The following MYCBP2 variants were observed in gnomAD, a reference collection of about 807,000 sequenced individuals.
MYCBP2 encodes the protein E3 ubiquitin-protein ligase MYCBP2.
MYCBP2 carries 120 observed loss-of-function variants against 525.3 expected under a neutral mutation model. That is an observed-to-expected ratio of 0.23 (90% confidence interval 0.20 to 0.27). MYCBP2 has a LOEUF of 0.27. MYCBP2 is among the 10% of genes least tolerant of loss of function. The pLI, the probability that MYCBP2 is intolerant of heterozygous loss-of-function variation, is 1.00. For synonymous variants in MYCBP2, 1,894 were observed against 1,955.8 expected, an observed-to-expected ratio of 0.97 and a Z score of 0.83; for missense variants, 4,149 against 5,657.1, an observed-to-expected ratio of 0.73 and a Z score of 8.55.
chr13:77,233,460 A>G (rs941298464), intron 17 of MYCBP2, among the ~76,000 whole-genome samples, 197 bp from the exon 18 acceptor site: 1 of 148,620 alleles, frequency 6.7e-6, no homozygotes, highest in East Asian at 2.0e-4. Flanking sequence ...AAAAGTTAAT[A>G]TCTTAAATAT....
At chr13:77,216,223 A>G (rs2064807666) in intron 21 of MYCBP2, among the ~76,000 whole-genome samples, 1 of 152,218 alleles carries the variant, frequency 6.6e-6, no homozygotes, top group African/African-American at 2.4e-5. Context: ...GATAATGAAG[A>G]AAATACAAAT....
intron 3 of MYCBP2, among the ~76,000 whole-genome samples, chr13:77,286,786 AAAAATATATATATATATATATAT>A (rs2076852388): frequency 1.1e-5 from 1 of 91,540 alleles, no homozygotes; most frequent in Admixed American, 1.2e-4. Flanking sequence ...AAAAAAAAAA[AAAAATATATATATATATATATAT>A]ATATATATAG....
intron 17 of MYCBP2, among the ~76,000 whole-genome samples, chr13:77,239,288 T>A (rs1795190913): frequency 6.6e-6 from 1 of 152,216 alleles, no homozygotes; most frequent in Non-Finnish European, 1.5e-5. Flanking sequence ...AGTATAATTA[T>A]TAACATACTA....
At chr13:77,313,667 G>A (rs990866882) in intron 1 of MYCBP2, among the ~76,000 whole-genome samples, 20 of 151,980 alleles carry the variant, frequency 1.3e-4, no homozygotes, top group African/African-American at 3.9e-4. Context: ...CCAAGAGAAC[G>A]AGAAGACAAG....
chr13:77,284,342 G>C (rs2076515440), intron 3 of MYCBP2, among the ~76,000 whole-genome samples: 1 of 152,100 alleles, frequency 6.6e-6, no homozygotes, highest in Non-Finnish European at 1.5e-5. Context: ...GAGCAAACTA[G>C]GATAATAGCA....
In MYCBP2 at chr13:77,166,410, G is replaced by C; in HGVS notation, c.6259C>G (p.His2087Asp). Residue 2087 changes from histidine to aspartate, a missense_variant, in exon 41 of 83, where the codon CAT becomes GAT. His to Asp is a moderately conservative substitution (Grantham distance 81). Around this residue, in one of 21 missense-constraint regions of MYCBP2, gnomAD observed 692 missense variants for 852.7 expected, o/e 0.81. Transcript: ENST00000544440. Reference protein sequence around the residue: ...SGYGPKLTSVHENLNSWIELK... With the variant: ...SGYGPKLTSVDENLNSWIELK... ...TCTATCCATGAATTAAGATTTTCAT[G>C]AACAGATGTCAATTTTGGTCCATAT... The C allele has an allele frequency of 6.2e-7, 1 of 1,613,904 alleles. No homozygotes were observed.
chr13:77,138,824 G>C (rs1305002645), intron 52 of MYCBP2, among the ~76,000 whole-genome samples: 2 of 152,120 alleles, frequency 1.3e-5, no homozygotes, highest in African/African-American at 2.4e-5. Flanking sequence ...ACATGTTTTT[G>C]AATGTATAAT....
chr13:77,243,012 T>C (rs774629526), intron 17 of MYCBP2, 47 bp downstream of exon 17: 3 of 1,510,304 alleles, frequency 2.0e-6, no homozygotes, highest in Admixed American at 3.3e-5. Flanking sequence ...CAGGATAGGG[T>C]AGGAAAGTGG....
chr13:77,193,589 C>T (rs542109291), intron 27 of MYCBP2, among the ~76,000 whole-genome samples: 18 of 152,196 alleles, frequency 1.2e-4, no homozygotes, highest in African/African-American at 3.9e-4. Flanking sequence ...CTTAGGATTA[C>T]GTAGAGAGGA....
intron 21 of MYCBP2, among the ~76,000 whole-genome samples, chr13:77,213,956 C>T (rs1262630893): frequency 1.3e-5 from 2 of 152,160 alleles, no homozygotes; most frequent in African/African-American, 4.8e-5. Context: ...GTGCAAAGCA[C>T]GAACAGGGAA....
intron 68 of MYCBP2, among the ~76,000 whole-genome samples, chr13:77,072,067 T>C (rs1471380186): frequency 1.3e-5 from 2 of 151,906 alleles, no homozygotes; most frequent in African/African-American, 4.8e-5. Context: ...GGTGGGTGGA[T>C]CACGAGGTCA....
At chr13:77,134,954 T>C (rs989484997) in intron 52 of MYCBP2, among the ~76,000 whole-genome samples, 1 of 152,208 alleles carries the variant, frequency 6.6e-6, no homozygotes, top group Non-Finnish European at 1.5e-5. Context: ...TTAAGGATTA[T>C]CTAAAATGGG....
Position 77,165,317 on chromosome 13 carries a change from T to G in MYCBP2, c.6415A>C (p.Lys2139Gln), listed in dbSNP as rs1475631864. 1 of 1,612,782 alleles carries G rather than the reference T, an allele frequency of 6.2e-7. No individual in the cohort carries two copies. The highest frequency in any genetic ancestry group is 1.7e-5 in the Admixed American group (1 of 59,830). Residue 2139 changes from lysine to glutamine, a missense_variant, in exon 42 of 83, where the codon AAG becomes CAG. Physicochemically the swap from Lys to Gln is moderately conservative, Grantham distance 53. This residue lies in a region of MYCBP2 where 692 missense variants were observed against 852.7 expected (regional missense o/e 0.81). Coordinates refer to ENST00000544440, the MANE Select transcript of MYCBP2 (RefSeq NM_015057.5). Reference protein sequence around the residue: ...KDDKASFYGFKCFAIGYEFSP... With the variant: ...KDDKASFYGFQCFAIGYEFSP... ...AATTCATATCCAATTGCAAAACACTTAAAACCATAGAAAGAAGCTTTGTCA... is the reference window on the plus strand; with the variant it reads ...AATTCATATCCAATTGCAAAACACTGAAAACCATAGAAAGAAGCTTTGTCA...
rs1485165962 is a variant in MYCBP2, at chr13:77,062,613, C to T, written c.12757G>A (p.Gly4253Arg). Residue 4253 changes from glycine to arginine, a missense_variant, in exon 74 of 83, where the codon GGA (glycine) becomes AGA (arginine). Physicochemically the swap from Gly to Arg is moderately radical, Grantham distance 125. Around this residue, in one of 21 missense-constraint regions of MYCBP2, gnomAD observed 220 missense variants for 396.0 expected, o/e 0.56. Transcript: ENST00000544440. ...LSSGRWMGKD[G>R]QQKQMPMCDN... ...GATCTTACCATTTGTTTTTGTTGTCCATCCTTTCCCATCCATCTCCCCGAG... is the reference window on the plus strand; with the variant it reads ...GATCTTACCATTTGTTTTTGTTGTCTATCCTTTCCCATCCATCTCCCCGAG... 6.2e-7 allele frequency: 1 copy of T among 1,613,794 alleles called. No individual in the cohort carries two copies. The highest frequency in any genetic ancestry group is 1.3e-5 in the African/African-American group (1 of 74,876).
At chr13:77,144,377 G>T in intron 49 of MYCBP2, 68 bp downstream of exon 49, 1 of 1,124,590 alleles carries the variant, frequency 8.9e-7, no homozygotes, top group Non-Finnish European at 1.3e-6. Context: ...GGCAAAACTA[G>T]AAGATAAAAA....
At chr13:77,102,562 C>A (rs1183901364) in intron 55 of MYCBP2, among the ~76,000 whole-genome samples, 1 of 151,170 alleles carries the variant, frequency 6.6e-6, no homozygotes, top group African/African-American at 2.4e-5. Flanking sequence ...TTTCAAAAAA[C>A]CAAAAACATA....
At chr13:77,266,678 AT>A (rs2074129089) in intron 8 of MYCBP2, among the ~76,000 whole-genome samples, 1 of 141,650 alleles carries the variant, frequency 7.1e-6, no homozygotes, top group African/African-American at 2.7e-5. Flanking sequence ...TATTAAAAGT[AT>A]TTTTTAATAT....
rs1566781247 is a variant in MYCBP2, at chr13:77,167,018, CACACA to C, written c.6115-469_6115-465del. On this transcript the variant is annotated intron_variant, in intron 40 of 82. Coordinates refer to ENST00000544440, the MANE Select transcript of MYCBP2 (RefSeq NM_015057.5). ...ACACACACACACACACACACACACA[CACACA>C]CACCAAATGAAATAATTTAATGATT... is the stretch of plus-strand genomic sequence containing the variant. Among the ~76,000 whole-genome samples the C allele has an allele frequency of 4.1e-3, 557 of 135,794 alleles. 5 individuals are homozygous for C. The highest frequency in any genetic ancestry group is 0.02 in the East Asian group (98 of 4,866). 89.1% of individuals were successfully genotyped at this position (135,794 alleles called of 152,430 possible).
At chr13:77,271,230 T>C (rs148199676) in intron 5 of MYCBP2, among the ~76,000 whole-genome samples, 16 of 152,322 alleles carry the variant, frequency 1.1e-4, no homozygotes, top group African/African-American at 3.8e-4. Flanking sequence ...TTCTCAATAA[T>C]GGTGCCTTTT....
Sources: gnomAD v4.1 joint callset for allele counts (sites outside exome capture counted in the v4.1 genomes callset) on GRCh38, gnomAD v4.1.1 for gene constraint, gnomAD v4.1.1 regional missense constraint, MANE v1.5 for transcripts, NCBI Gene and HGNC (gene_info 2026-07-23, HGNC 2026-07-21) for gene names.